The following RETSAT variants were observed in gnomAD, a reference collection of about 807,000 sequenced individuals.
RETSAT encodes retinol saturase.
A neutral mutation model predicts 61.6 loss-of-function variants in RETSAT; 35 were observed. That is an observed-to-expected ratio of 0.57 (90% CI 0.43 to 0.75). The LOEUF (loss-of-function observed/expected upper bound fraction) is 0.75. Ranked by LOEUF, RETSAT falls within the 30% of genes least tolerant of loss-of-function variation. The pLI is 0.00. For missense variants in RETSAT, 670 were observed against 759.5 expected, an observed-to-expected ratio of 0.88 and a Z score of 1.38; for synonymous variants, 277 against 310.4, an observed-to-expected ratio of 0.89 and a Z score of 1.13.
At position 85,343,678 on chromosome 2, in the gene RETSAT, A is replaced by C. The variant is rs1332071909; in HGVS notation, c.1654T>G (p.Leu552Val). Residue 552 changes from leucine to valine, a missense_variant, in exon 10 of 11, where the codon TTG (leucine) becomes GTG (valine). By Grantham distance (32) the Leu-to-Val change is conservative (BLOSUM62 1). Coordinates refer to ENST00000295802, the MANE Select transcript of RETSAT (RefSeq NM_017750.4). Reference protein sequence around the residue: ...GRLHPCVMASLRAQSPIPNLY... With the variant: ...GRLHPCVMASVRAQSPIPNLY... ...TTGGGGATGGGGCTCTGGGCCCTCA[A>C]GGAGGCCATCACACAAGGGTGCAGG... is the stretch of plus-strand genomic sequence containing the variant. The C allele has an allele frequency of 1.2e-6, 2 of 1,601,336 alleles. No homozygotes were observed. The highest frequency in any genetic ancestry group is 1.7e-6 in the Non-Finnish European group (2 of 1,175,884).
chr2:85,351,874 G>C lies in RETSAT; in HGVS notation c.173-12C>G, dbSNP rs199689552. 6.2e-7 allele frequency: 1 copy of C among 1,610,036 alleles called. No homozygotes were observed. The highest frequency in any genetic ancestry group is 1.1e-5 in the South Asian group (1 of 90,848). On this transcript the variant is annotated splice_polypyrimidine_tract_variant and intron_variant, in intron 1 of 10. Coordinates refer to ENST00000295802, the MANE Select transcript of RETSAT (RefSeq NM_017750.4). Reference sequence around the variant, plus strand: ...GTTGGCTGAAAAAGCTACAGCAGAAGGGCCAAAGGGTGGGTTTCTCAGGCA... The same window carrying C: ...GTTGGCTGAAAAAGCTACAGCAGAACGGCCAAAGGGTGGGTTTCTCAGGCA...
In RETSAT at chr2:85,344,149, G is replaced by A. The variant is rs1456689424; in HGVS notation, c.1383C>T (p.Ile461=). The A allele has an allele frequency of 1.2e-6, 2 of 1,614,026 alleles. No homozygotes were observed. Among genetic ancestry groups the A allele is most frequent in the East Asian group, 2.2e-5 (1 of 44,886 alleles). ...EDRFPGRSTM[I]MLIPTAYEWF... is the part of the protein sequence containing the mutation. Reference sequence around the variant, plus strand: ...ACTCGTAGGCAGTGGGTATGAGCATGATCATGGTGGACCGGCCTGGGGATC... The same window carrying A: ...ACTCGTAGGCAGTGGGTATGAGCATAATCATGGTGGACCGGCCTGGGGATC... Residue 461 remains isoleucine, a synonymous_variant, in exon 9 of 11, where the codon ATC becomes ATT. Transcript: ENST00000295802.
intron 6 of RETSAT, chr2:85,345,457 A>G (rs2104434101): frequency 3.7e-6 from 1 of 273,668 alleles, no homozygotes; most frequent in South Asian, 3.8e-5. Context: ...GAGCTACTCC[A>G]TGCTCTCCAG....
chr2:85,342,005 T>G lies in RETSAT; in HGVS notation c.*1237A>C, dbSNP rs1402889055. The G allele has an allele frequency of 6.9e-6, 4 of 579,140 alleles. No individual in the cohort carries two copies. The highest frequency in any genetic ancestry group is 2.2e-5 in the South Asian group (1 of 44,458). 35.9% of individuals were successfully genotyped at this position (579,140 alleles called of 1,614,324 possible). On this transcript the variant is annotated 3_prime_UTR_variant, in exon 11 of 11. Coordinates refer to ENST00000295802, the MANE Select transcript of RETSAT (RefSeq NM_017750.4). ...TTTTTTAAAGCTTATTTTGGTGTTA[T>G]TCAGTATATAGTGTTTTACTGAGCT...
In RETSAT at chr2:85,344,594, G is replaced by A. The variant is rs750768086; in HGVS notation, c.1256C>T (p.Ala419Val). 34 of 1,613,962 alleles carry A rather than the reference G, an allele frequency of 2.1e-5. 1 individual carries two copies. The highest frequency in any genetic ancestry group is 8.8e-5 in the South Asian group (8 of 91,090). ...YVYYDTDMDQAMERYVSMPRE... is the reference protein window; with the variant it reads ...YVYYDTDMDQVMERYVSMPRE... ...ACATACACACACACGTGCACCTTAC[G>A]CCTGGTCCATGTCCGTGTCATAGTA... Residue 419 changes from alanine (A) to valine (V), a missense_variant and splice_region_variant, in exon 7 of 11, where the codon GCG becomes GTG. Transcript: ENST00000295802.
At chr2:85,352,547 G>A (rs975722250) in intron 1 of RETSAT, among the ~76,000 whole-genome samples, 6 of 151,780 alleles carry the variant, frequency 4.0e-5, no homozygotes, top group East Asian at 3.9e-4. Context: ...ACCGCGCCCC[G>A]CCTATTTTAT....
Position 85,349,579 on chromosome 2 carries a change from CA to C in RETSAT, c.801del (p.Val268SerfsTer19). The C allele has an allele frequency of 6.2e-7, 1 of 1,614,046 alleles. No homozygotes were observed. The highest frequency in any genetic ancestry group is 8.5e-7 in the Non-Finnish European group (1 of 1,179,952). On this transcript the variant is annotated frameshift_variant and splice_region_variant, in exon 5 of 11. Transcript: ENST00000295802. LOFTEE classifies it high-confidence loss of function. ...GAAAAGGCACTGTGGTTGGGGGTGA[CA>C]CCTGCAGAAGCAAGGAAGGGTGGTG... ...AVLSYIFPTY[G>X]VTPNHSAFSM...
intron 6 of RETSAT, among the ~76,000 whole-genome samples, chr2:85,344,975 C>G (rs1350005879): frequency 6.6e-6 from 1 of 152,210 alleles, no homozygotes; most frequent in Non-Finnish European, 1.5e-5. Flanking sequence ...GGACAGATGA[C>G]TGTAGCAGGG....
At chr2:85,349,863 A>G in intron 4 of RETSAT, 177 bp downstream of exon 4, 1 of 652,824 alleles carries the variant, frequency 1.5e-6, no homozygotes, top group Non-Finnish European at 2.6e-6. Flanking sequence ...GGATGAACAG[A>G]ATTTTGACCA....
Position 85,351,840 on chromosome 2 carries a change from C to A in RETSAT, c.195G>T (p.Pro65=). ...CAATTACCACCACATCCAGCTTCTC[C>A]GGCACTTGGTTGGCTGAAAAAGCTA... is the stretch of plus-strand genomic sequence containing the variant. ...LKQAFSANQV[P]EKLDVVVIGS... Residue 65 remains proline (P), a synonymous_variant, in exon 2 of 11, where the codon CCG becomes CCT. Transcript: ENST00000295802. 3 of 1,613,936 alleles carry A rather than the reference C, an allele frequency of 1.9e-6. No homozygotes were observed. The highest frequency in any genetic ancestry group is 1.1e-5 in the South Asian group (1 of 91,064).
intron 1 of RETSAT, among the ~76,000 whole-genome samples, chr2:85,353,790 T>A (rs550446575): frequency 6.6e-6 from 1 of 152,202 alleles, no homozygotes; most frequent in African/African-American, 2.4e-5. Flanking sequence ...CCACAAAATA[T>A]GTTTTAAAGA....
chr2:85,344,774 G>A, intron 6 of RETSAT, 42 bp from the exon 7 acceptor site: 1 of 1,602,054 alleles, frequency 6.2e-7, no homozygotes. Context: ...ACCATGGCCG[G>A]AGACGGCCAC....
At chr2:85,348,631 A>C (rs1683243473) in intron 5 of RETSAT, among the ~76,000 whole-genome samples, 1 of 110,548 alleles carries the variant, frequency 9.0e-6, no homozygotes, top group Admixed American at 8.3e-5. Flanking sequence ...ACTCCAACTC[A>C]AAAAAAAAAA....
rs1683273306 is a variant in RETSAT, at chr2:85,350,116, G to C, written c.723C>G (p.Ser241Arg). ...CCAGCTGCTGCAGGACCTCAGCCAG[G>C]CTCTGGGTGGATGCTTGAAGGAATG... ...FSPFLQASTQ[S>R]LAEVLQQLGA... The change falls in exon 4 of 11, where the codon AGC becomes AGG. Residue 241 changes from serine to arginine, a missense_variant. By Grantham distance (110) the Ser-to-Arg change is moderately radical. Coordinates refer to ENST00000295802, the MANE Select transcript of RETSAT (RefSeq NM_017750.4). 6.2e-7 allele frequency: 1 copy of C among 1,613,884 alleles called. No homozygotes were observed. The highest frequency in any genetic ancestry group is 1.3e-5 in the African/African-American group (1 of 74,910).
rs372113449 is a variant in RETSAT at position 85,349,441 on chromosome 2, C to G, written c.940G>C (p.Val314Leu). 1 of 1,614,058 alleles carries G rather than the reference C, an allele frequency of 6.2e-7. No individual in the cohort carries two copies. Among genetic ancestry groups the G allele is most frequent in the African/African-American group, 1.3e-5 (1 of 74,922 alleles). The change falls in exon 5 of 11, where the codon GTC becomes CTC. Residue 314 changes from valine to leucine, a missense_variant. Physicochemically the swap from Val to Leu is conservative, Grantham distance 32. Transcript: ENST00000295802. ...IPVIQRAGGAVLTKATVQSVL... is the reference protein window; with the variant it reads ...IPVIQRAGGALLTKATVQSVL... ...CTCTGCACAGTGGCCTTTGTGAGGACAGCGCCCCCAGCCCGCTGAATCACA... is the reference window on the plus strand; with the variant it reads ...CTCTGCACAGTGGCCTTTGTGAGGAGAGCGCCCCCAGCCCGCTGAATCACA...
intron 5 of RETSAT, among the ~76,000 whole-genome samples, chr2:85,348,281 C>T (rs184776298): frequency 3.3e-5 from 5 of 152,160 alleles, no homozygotes; most frequent in Admixed American, 6.5e-5. Flanking sequence ...ATTTATTGAG[C>T]CTCTAATATG....
chr2:85,346,599 CA>C (rs1178811609), intron 5 of RETSAT, among the ~76,000 whole-genome samples: 1 of 151,716 alleles, frequency 6.6e-6, no homozygotes, highest in Non-Finnish European at 1.5e-5. Context: ...CTCTATAGAA[CA>C]AAAAAATTTA....
intron 5 of RETSAT, among the ~76,000 whole-genome samples, chr2:85,349,098 C>T (rs556490054): frequency 1.3e-5 from 2 of 151,310 alleles, no homozygotes; most frequent in African/African-American, 4.9e-5. Flanking sequence ...CCATGTTGCC[C>T]AGGCTGATCT....
chr2:85,349,429 C>T lies in RETSAT; in HGVS notation c.952G>A (p.Ala318Thr), dbSNP rs762604028. The part of the protein sequence containing the change: ...QRAGGAVLTK[A>T]TVQSVLLDSA... Reference sequence around the variant, plus strand: ...TCCAGCAACACACTCTGCACAGTGGCCTTTGTGAGGACAGCGCCCCCAGCC... The same window carrying T: ...TCCAGCAACACACTCTGCACAGTGGTCTTTGTGAGGACAGCGCCCCCAGCC... The change falls in exon 5 of 11, where the codon GCC becomes ACC. Residue 318 changes from alanine (A) to threonine (T), a missense_variant. Transcript: ENST00000295802. The T allele has an allele frequency of 2.5e-6, 4 of 1,614,160 alleles. No individual in the cohort carries two copies. The highest frequency in any genetic ancestry group is 4.5e-5 in the East Asian group (2 of 44,884).
Sources: gnomAD v4.1 joint callset for allele counts (sites outside exome capture counted in the v4.1 genomes callset) on GRCh38, gnomAD v4.1.1 for gene constraint, MANE v1.5 for transcripts, NCBI Gene and HGNC (gene_info 2026-07-23, HGNC 2026-07-21) for gene names.